The following CENPO variants were observed in gnomAD, a reference collection of about 807,000 sequenced individuals.
CENPO encodes centromere protein O.
A neutral mutation model predicts 36.1 loss-of-function variants in CENPO; 30 were observed. That is an observed-to-expected ratio of 0.83 (90% CI 0.62 to 1.13). The LOEUF (loss-of-function observed/expected upper bound fraction) is 1.13. Among genes scored for constraint, CENPO ranks in the 50% most tolerant of loss-of-function variants. The pLI is 0.00. For missense variants in CENPO, 349 were observed against 357.8 expected (o/e 0.98, Z 0.20); for synonymous variants, 171 against 142.3 (o/e 1.20, Z -1.44).
Position 24,822,202 on chromosome 2 carries a change from TCA to T in CENPO, c.*2885_*2886del, listed in dbSNP as rs1667846067. The T allele has an allele frequency of 8.3e-6, 2 of 242,160 alleles. No individual in the cohort carries two copies. Among genetic ancestry groups the T allele is most frequent in the Non-Finnish European group, 1.6e-5 (2 of 125,224 alleles). 15.0% of individuals were successfully genotyped at this position (242,160 alleles called of 1,614,324 possible). ...AGCCAGAGTTCTGAAGGCCATGCTT[TCA>T]GTTTCCCTTGTTGACAATTGCTCTC... On this transcript the variant is annotated 3_prime_UTR_variant, in exon 8 of 8. Transcript: ENST00000380834.
intron 7 of CENPO, among the ~76,000 whole-genome samples, chr2:24,818,974 G>C (rs918363201): frequency 1.3e-5 from 2 of 152,372 alleles, no homozygotes; most frequent in East Asian, 3.9e-4. Context: ...ATTAAAGCCA[G>C]CTTGGAGTAC....
At chr2:24,799,607 A>G (rs1666070142) in intron 2 of CENPO, 68 bp from the exon 3 acceptor site, 4 of 1,298,506 alleles carry the variant, frequency 3.1e-6, no homozygotes, top group Middle Eastern at 2.4e-4. Context: ...TTCTTCCCTG[A>G]GATGCTTCCT....
chr2:24,804,004 T>C (rs969822542), intron 3 of CENPO, among the ~76,000 whole-genome samples: 3 of 152,204 alleles, frequency 2.0e-5, no homozygotes, highest in African/African-American at 7.2e-5. Context: ...TTTATGAGTC[T>C]GGGTGCTCCT....
chr2:24,817,466 C>CAAAAAAAAAAAAAAAAAAAAAA (rs57556645), intron 6 of CENPO, among the ~76,000 whole-genome samples: 21 of 110,038 alleles, frequency 1.9e-4, no homozygotes, highest in African/African-American at 8.2e-4. Context: ...TAGTCCAGAC[C>CAAAAAAAAAAAAAAAAAAAAAA]AAAAAAAAAA....
intron 3 of CENPO, among the ~76,000 whole-genome samples, chr2:24,802,273 A>G (rs2148261279): frequency 6.6e-6 from 1 of 152,200 alleles, no homozygotes; most frequent in East Asian, 1.9e-4. Flanking sequence ...TCATCTGCAA[A>G]CAGGGACAAT....
chr2:24,802,823 C>G (rs1412020526), intron 3 of CENPO, among the ~76,000 whole-genome samples: 1 of 152,162 alleles, frequency 6.6e-6, no homozygotes, highest in Non-Finnish European at 1.5e-5. Flanking sequence ...GCTTTGGTAT[C>G]AGGATGATGC....
At chr2:24,794,877 C>T (rs1049434840) in intron 2 of CENPO, among the ~76,000 whole-genome samples, 5 of 152,152 alleles carry the variant, frequency 3.3e-5, no homozygotes, top group African/African-American at 1.2e-4. Flanking sequence ...GCCATAAAAC[C>T]TAACTTAAAT....
intron 2 of CENPO, among the ~76,000 whole-genome samples, chr2:24,799,472 C>G (rs1408443192): frequency 6.6e-6 from 1 of 152,086 alleles, no homozygotes; most frequent in Admixed American, 6.5e-5. Flanking sequence ...TTACATCACT[C>G]TCCAACCTAG....
chr2:24,798,934 G>A (rs1257852710), intron 2 of CENPO, among the ~76,000 whole-genome samples: 2 of 151,110 alleles, frequency 1.3e-5, no homozygotes, highest in African/African-American at 4.9e-5. Context: ...ATAGATGCTG[G>A]GTGTACTTAA....
chr2:24,811,282 C>CTTTGTTTTTT (rs1666670116), intron 3 of CENPO, among the ~76,000 whole-genome samples: 1 of 105,548 alleles, frequency 9.5e-6, no homozygotes, highest in African/African-American at 3.8e-5. Context: ...AGTCCATGAA[C>CTTTGTTTTTT]TTTTTTTTTT....
chr2:24,815,502 A>G lies in CENPO; in HGVS notation c.340A>G (p.Ser114Gly). 2 of 1,613,694 alleles carry G rather than the reference A, an allele frequency of 1.2e-6. No homozygotes were observed. Among genetic ancestry groups the G allele is most frequent in the East Asian group, 2.2e-5 (1 of 44,872 alleles). The part of the protein sequence containing the change: ...ILQAYHFTGL[S>G]GKLTSRGVCV... Reference sequence around the variant, plus strand: ...TGTCTTCTTGTTTGCCTCAGGCCTCAGTGGTAAACTGACCAGCCGAGGAGT... The same window carrying G: ...TGTCTTCTTGTTTGCCTCAGGCCTCGGTGGTAAACTGACCAGCCGAGGAGT... The change falls in exon 5 of 8, where the codon AGT becomes GGT. Residue 114 changes from serine (S) to glycine (G), a missense_variant. Transcript: ENST00000380834.
At chr2:24,815,433 G>A (rs756004056) in intron 4 of CENPO, 64 bp from the exon 5 acceptor site, 58 of 1,337,228 alleles carry the variant, frequency 4.3e-5, no homozygotes, top group Middle Eastern at 1.9e-4. Context: ...GCTACTGGAG[G>A]CACAGATGAG....
chr2:24,794,003 C>G, intron 2 of CENPO, 38 bp downstream of exon 2: 1 of 1,492,118 alleles, frequency 6.7e-7, no homozygotes, highest in African/African-American at 1.4e-5. Context: ...TGCTGCTGCC[C>G]AAAGATGACC....
rs1558389787 is a variant in CENPO, at chr2:24,820,081, ACT to A, written c.*767_*768del. 6 of 1,556,294 alleles carry A rather than the reference ACT, an allele frequency of 3.9e-6. No homozygotes were observed. Among genetic ancestry groups the A allele is most frequent in the African/African-American group, 1.4e-5 (1 of 71,138 alleles). ...CCTCGCCTCACAAAGCGGAAGCCGT[ACT>A]CTCGGAGGATGACTTGGGTTTCTTC... On this transcript the variant is annotated 3_prime_UTR_variant, in exon 8 of 8. Coordinates refer to ENST00000380834, the MANE Select transcript of CENPO (RefSeq NM_001322101.2).
chr2:24,808,401 A>G (rs951664470), intron 3 of CENPO, among the ~76,000 whole-genome samples: 2 of 151,712 alleles, frequency 1.3e-5, no homozygotes, highest in Admixed American at 6.6e-5. Context: ...GGGTTTCTCT[A>G]TTGTTGGCCA....
intron 3 of CENPO, among the ~76,000 whole-genome samples, chr2:24,801,631 A>G (rs951722310): frequency 2.0e-5 from 3 of 152,170 alleles, no homozygotes; most frequent in African/African-American, 7.2e-5. Flanking sequence ...AAGATCAGAT[A>G]GTTGTAGATA....
At position 24,821,275 on chromosome 2, in the gene CENPO, C is replaced by T; in HGVS notation, c.*1957C>T. On this transcript the variant is annotated 3_prime_UTR_variant, in exon 8 of 8. Coordinates refer to ENST00000380834, the MANE Select transcript of CENPO (RefSeq NM_001322101.2). ...AAACTCACTTCTCAGCCAGGCAGGC[C>T]AAGCTTCTATTGTAACAGTAGGCAC... The T allele has an allele frequency of 1.9e-6, 1 of 523,838 alleles. No homozygotes were observed. The highest frequency in any genetic ancestry group is 3.3e-6 in the Non-Finnish European group (1 of 306,734). The allele number at this position is 523,838 out of a possible 1,614,324, so 32.4% of individuals were successfully genotyped here.
intron 3 of CENPO, among the ~76,000 whole-genome samples, chr2:24,810,057 A>AT (rs1385538723): frequency 6.6e-6 from 1 of 151,884 alleles, no homozygotes; most frequent in Non-Finnish European, 1.5e-5. Flanking sequence ...CAAAAAAAAA[A>AT]AAAAACTTAC....
chr2:24,816,004 A>T (rs1001721757), intron 5 of CENPO: 3 of 519,672 alleles, frequency 5.8e-6, no homozygotes, highest in African/African-American at 5.8e-5. Context: ...TCAAGCTTTT[A>T]TCGTAAGATT....
Sources: gnomAD v4.1 joint callset for allele counts (sites outside exome capture counted in the v4.1 genomes callset) on GRCh38, gnomAD v4.1.1 for gene constraint, MANE v1.5 for transcripts, NCBI Gene and HGNC (gene_info 2026-07-23, HGNC 2026-07-21) for gene names.